Variants in HCN2 observed in about 807,000 individuals in gnomAD.
The protein encoded by HCN2 is hyperpolarization activated cyclic nucleotide gated potassium and sodium channel 2.
HCN2 carries 20 observed loss-of-function variants against 52.3 expected under a neutral mutation model. The ratio of observed to expected loss-of-function variants is 0.38; its 90% CI spans 0.27 to 0.56. The LOEUF (loss-of-function observed/expected upper bound fraction) is 0.56. Among genes scored for constraint, HCN2 ranks in the 20% least tolerant of loss-of-function variants. The pLI is 0.71. For synonymous variants in HCN2, 694 were observed against 537.0 expected, an observed-to-expected ratio of 1.29 and a Z score of -4.04; for missense variants, 981 against 1,207.7, an observed-to-expected ratio of 0.81 and a Z score of 2.78.
intron 7 of HCN2, among the ~76,000 whole-genome samples, chr19:615,386 C>T (rs557042401): frequency 7.2e-5 from 11 of 151,920 alleles, no homozygotes; most frequent in South Asian, 2.1e-4. Context: ...TGGTGGCGGG[C>T]GCCTGTAGTC....
chr19:606,426 T>C (rs1475178159), intron 3 of HCN2, among the ~76,000 whole-genome samples: 2 of 151,944 alleles, frequency 1.3e-5, no homozygotes, highest in African/African-American at 2.4e-5. Context: ...AGCCCAGAAG[T>C]TGAGGCTGCA....
At chr19:610,435 AGCCTCCGGTACAGGGCCG>A (rs1478018109) in intron 5 of HCN2, 30 bp downstream of exon 5, 2 of 1,602,400 alleles carry the variant, frequency 1.2e-6, no homozygotes, top group Admixed American at 3.3e-5. Flanking sequence ...GGCGGGAGGC[AGCCTCCGGTACAGGGCCG>A]GCCTCCCTCT....
In HCN2 at chr19:617,125, C is replaced by T. The variant is rs551786284; in HGVS notation, c.*651C>T. 7.9e-6 allele frequency: 6 copies of T among 757,870 alleles called. No homozygotes were observed. The highest frequency in any genetic ancestry group is 3.5e-5 in the African/African-American group (2 of 57,490). 46.9% of individuals were successfully genotyped at this position (757,870 alleles called of 1,614,324 possible). On this transcript the variant is annotated 3_prime_UTR_variant, in exon 8 of 8. Transcript: ENST00000251287. Reference sequence around the variant, plus strand: ...CCACGCCCCATTAACCCCCACACCCCCATTCCGCGCAATAAACGACAGCAT... The same window carrying T: ...CCACGCCCCATTAACCCCCACACCCTCATTCCGCGCAATAAACGACAGCAT...
At chr19:593,383 G>A (rs1419110240) in intron 1 of HCN2, among the ~76,000 whole-genome samples, 3 of 152,202 alleles carry the variant, frequency 2.0e-5, no homozygotes. Flanking sequence ...TTGGGAGGCT[G>A]AGGCGGGCGG....
intron 1 of HCN2, among the ~76,000 whole-genome samples, chr19:601,304 C>G (rs1600522688): frequency 1.3e-5 from 2 of 152,268 alleles, no homozygotes; most frequent in African/African-American, 4.8e-5. Context: ...CAGGGTGAGA[C>G]TCCGTCTCGG....
At chr19:595,906 G>C (rs941095451) in intron 1 of HCN2, among the ~76,000 whole-genome samples, 1 of 152,200 alleles carries the variant, frequency 6.6e-6, no homozygotes, top group Admixed American at 6.5e-5. Flanking sequence ...AATCCTGGAC[G>C]GCCTCCGGCC....
chr19:590,677 CG>C lies in HCN2; in HGVS notation c.632+103del. The C allele has an allele frequency of 1.2e-5, 12 of 972,792 alleles. No homozygotes were observed. The highest frequency in any genetic ancestry group is 1.6e-5 in the Non-Finnish European group (12 of 756,426). 60.3% of individuals were successfully genotyped at this position (972,792 alleles called of 1,614,324 possible). Reference sequence around the variant, plus strand: ...GCCTGGGGAGGGCGGGGCGGCGCGCCGGGCCGGTGACCTCGGGGCTCCTCGG... The same window carrying C: ...GCCTGGGGAGGGCGGGGCGGCGCGCCGGCCGGTGACCTCGGGGCTCCTCGG... On this transcript the variant is annotated intron_variant, in intron 1 of 7. Coordinates refer to ENST00000251287, the MANE Select transcript of HCN2 (RefSeq NM_001194.4). The surrounding 1 kb of genome is among the most constrained non-coding windows in gnomAD (Gnocchi z 7.2).
chr19:598,928 T>C (rs1453337016), intron 1 of HCN2, among the ~76,000 whole-genome samples: 3 of 152,118 alleles, frequency 2.0e-5, no homozygotes, highest in Non-Finnish European at 4.4e-5. Flanking sequence ...CTTCTCTAGG[T>C]TTTATCCCCA....
intron 1 of HCN2, among the ~76,000 whole-genome samples, chr19:595,311 A>C (rs1600517162): frequency 1.2e-5 from 1 of 82,470 alleles, no homozygotes; most frequent in Admixed American, 1.6e-4. Flanking sequence ...TCAGCCTCGC[A>C]CCCTGTGCGC....
At chr19:603,364 G>A (rs183837323) in intron 1 of HCN2, among the ~76,000 whole-genome samples, 180 bp from the exon 2 acceptor site, 10 of 131,948 alleles carry the variant, frequency 7.6e-5, no homozygotes, top group African/African-American at 2.1e-4. Flanking sequence ...ACCAGCCTGA[G>A]GTGTGGGTGC....
Position 590,746 on chromosome 19 carries a change from C to A in HCN2, c.632+169C>A. 5.1e-6 allele frequency: 2 copies of A among 390,894 alleles called. No homozygotes were observed. Among genetic ancestry groups the A allele is most frequent in the Non-Finnish European group, 8.4e-6 (2 of 238,882 alleles). 24.2% of individuals were successfully genotyped at this position (390,894 alleles called of 1,614,324 possible). ...GGGACCCGCCCCGGAGTGACCCCGGCGCGCGAGGCTCCGCCTCTGGGGGGG... is the reference window on the plus strand; with the variant it reads ...GGGACCCGCCCCGGAGTGACCCCGGAGCGCGAGGCTCCGCCTCTGGGGGGG... On this transcript the variant is annotated intron_variant, in intron 1 of 7. Coordinates refer to ENST00000251287, the MANE Select transcript of HCN2 (RefSeq NM_001194.4). The surrounding 1 kb of genome is among the most constrained non-coding windows in gnomAD (Gnocchi z 7.2).
chr19:613,710 T>TGGGGCCGGGGCC, intron 6 of HCN2, 142 bp from the exon 7 acceptor site: 1 of 156,212 alleles, frequency 6.4e-6, no homozygotes, highest in Non-Finnish European at 8.3e-6. Flanking sequence ...GGGCCGGGGA[T>TGGGGCCGGGGCC]GGGGCCGGGG....
intron 3 of HCN2, among the ~76,000 whole-genome samples, chr19:607,219 C>T (rs1156563140): frequency 6.6e-6 from 1 of 152,236 alleles, no homozygotes; most frequent in African/African-American, 2.4e-5. Flanking sequence ...CTCCTTGCTT[C>T]CTAGCTGAGA....
At chr19:610,614 C>A (rs973087322) in intron 5 of HCN2, among the ~76,000 whole-genome samples, 1 of 152,208 alleles carries the variant, frequency 6.6e-6, no homozygotes, top group Admixed American at 6.5e-5. Context: ...TTGCTTCCCG[C>A]TGCCCCCTTA....
chr19:602,228 T>C (rs113458055), intron 1 of HCN2, among the ~76,000 whole-genome samples: 17 of 83,982 alleles, frequency 2.0e-4, no homozygotes, highest in Admixed American at 3.9e-4. Context: ...CACTCCCTCC[T>C]CTCTCCTCCT....
chr19:611,160 C>T (rs895978513), intron 5 of HCN2, among the ~76,000 whole-genome samples: 2 of 152,218 alleles, frequency 1.3e-5, no homozygotes, highest in Non-Finnish European at 1.5e-5. Flanking sequence ...AGGTCCTATT[C>T]ACAGGAACCG....
rs759708038 is a variant in HCN2 at position 605,177 on chromosome 19, G to A, written c.1173G>A (p.Leu391=). 6.2e-6 allele frequency: 10 copies of A among 1,611,124 alleles called. No homozygotes were observed. In the South Asian group the frequency reaches 1.1e-4, roughly 18 times the overall value. The change falls in exon 3 of 8, where the codon CTG becomes CTA. Residue 391 remains leucine, a synonymous_variant. Transcript: ENST00000251287. The part of the protein sequence containing the change: ...DGCLQFLVPM[L]QDFPRNCWVS... ...GCCTGCAGTTCCTGGTGCCTATGCT[G>A]CAGGACTTCCCGCGCAACTGCTGGG... is the stretch of plus-strand genomic sequence containing the variant.
At position 592,138 on chromosome 19, in the gene HCN2, G is replaced by A. The variant is rs767618238; in HGVS notation, c.632+1561G>A. Among the ~76,000 whole-genome samples the A allele has an allele frequency of 1.3e-5, 2 of 152,204 alleles. No individual in the cohort carries two copies. The highest frequency in any genetic ancestry group is 2.9e-5 in the Non-Finnish European group (2 of 68,020). ...GACTGGACTTCCAGGGCTGCTGGTCGGCCTGGCCCCACTTCCAGTCGGGCA... is the reference window on the plus strand; with the variant it reads ...GACTGGACTTCCAGGGCTGCTGGTCAGCCTGGCCCCACTTCCAGTCGGGCA... On this transcript the variant is annotated intron_variant, in intron 1 of 7. Transcript: ENST00000251287. The surrounding 1 kb of genome is among the most constrained non-coding windows in gnomAD (Gnocchi z 4.8).
intron 1 of HCN2, 77 bp from the exon 2 acceptor site, chr19:603,467 A>T: frequency 2.7e-6 from 3 of 1,131,410 alleles, no homozygotes; most frequent in African/African-American, 4.6e-5. Context: ...TCGTCCCCCA[A>T]GGAAGAGTGC....
Sources: allele counts gnomAD v4.1 joint callset (sites outside exome capture counted in the v4.1 genomes callset), GRCh38; gene constraint gnomAD v4.1.1; non-coding constraint Gnocchi (gnomAD v3.1); transcripts MANE v1.5; gene names NCBI Gene and HGNC (gene_info 2026-07-23, HGNC 2026-07-21).